Variants in CHCHD2 observed in about 807,000 individuals in gnomAD.
CHCHD2 encodes the protein coiled-coil-helix-coiled-coil-helix domain containing 2.
Under a neutral mutation model 17.5 loss-of-function variants are expected in CHCHD2, and 17 were observed. That is an observed-to-expected ratio of 0.97 (90% CI 0.67 to 1.46). CHCHD2 has a LOEUF of 1.46. Ranked by LOEUF, CHCHD2 falls within the 40% of genes most tolerant of loss-of-function variation. CHCHD2 has a pLI of 0.00. For synonymous variants in CHCHD2, 63 were observed against 74.3 expected, an observed-to-expected ratio of 0.85 and a Z score of 0.78; for missense variants, 175 against 199.9, an observed-to-expected ratio of 0.88 and a Z score of 0.75.
At chr7:56,106,247 G>A (rs763851886) in intron 1 of CHCHD2, 117 bp downstream of exon 1, 2 of 881,322 alleles carry the variant, frequency 2.3e-6, no homozygotes, top group Non-Finnish European at 3.5e-6. Flanking sequence ...CCTGGCAGAG[G>A]CGAGCCCACG....
chr7:56,102,624 T>G, intron 3 of CHCHD2: 1 of 425,394 alleles, frequency 2.4e-6, no homozygotes, highest in Non-Finnish European at 4.2e-6. Flanking sequence ...CGTCTTGGCC[T>G]CCCAAAGTGC....
chr7:56,106,383 G>T lies in CHCHD2; in HGVS notation c.31C>A (p.Arg11Ser). The change falls in exon 1 of 4, where the codon CGC (arginine) becomes AGC (serine). Residue 11 changes from arginine to serine, a missense_variant. Arg to Ser is a moderately radical substitution (Grantham distance 110). Coordinates refer to ENST00000395422, the MANE Select transcript of CHCHD2 (RefSeq NM_016139.4). ...TCTCACCTGGCCGGAGGGGCCATGC[G>T]GGAGGTGCGGCTTCGGCTTCCACGC... Reference protein sequence around the residue: MPRGSRSRTSRMAPPASRAPQ... With the variant: MPRGSRSRTSSMAPPASRAPQ... 3.1e-6 allele frequency: 5 copies of T among 1,613,518 alleles called. No individual in the cohort carries two copies. Among genetic ancestry groups the T allele is most frequent in the Non-Finnish European group, 4.2e-6 (5 of 1,179,700 alleles).
chr7:56,104,103 T>C lies in CHCHD2; in HGVS notation c.300+123A>G, dbSNP rs1562888363. ...GGCCAAATGTGGCTTTAAAACCCAT[T>C]GTCTATTAACAGCACAGTGGGTTCT... On this transcript the variant is annotated intron_variant, in intron 2 of 3. Transcript: ENST00000395422. 4 of 1,319,716 alleles carry C rather than the reference T, an allele frequency of 3.0e-6. No individual in the cohort carries two copies. In the African/African-American group the frequency reaches 5.8e-5, roughly 19 times the overall value. The allele number at this position is 1,319,716 out of a possible 1,614,324, so 81.8% of individuals were successfully genotyped here. A position where few individuals can be genotyped will look rare whatever the true frequency, so the allele number is the denominator to read the frequency against.
rs762464553 is a variant in CHCHD2 at position 56,101,828 on chromosome 7, T to A, written c.*23A>T. On this transcript the variant is annotated 3_prime_UTR_variant, in exon 4 of 4. Coordinates refer to ENST00000395422, the MANE Select transcript of CHCHD2 (RefSeq NM_016139.4). ...CTTAGTTATGAGAGCTGATTTTCCA[T>A]CTCTCCAGGTTGAACTTCTTCATTA... 3.1e-6 allele frequency: 5 copies of A among 1,604,326 alleles called. No individual in the cohort carries two copies. The highest frequency in any genetic ancestry group is 4.3e-6 in the Non-Finnish European group (5 of 1,173,280).
At chr7:56,106,135 T>C (rs982666838) in intron 1 of CHCHD2, among the ~76,000 whole-genome samples, 35 of 152,324 alleles carry the variant, frequency 2.3e-4, no homozygotes, top group African/African-American at 7.2e-4. Flanking sequence ...CACCTGGCCA[T>C]AACGTTATGC....
rs767317857 is a variant in CHCHD2, at chr7:56,101,831, C to A, written c.*20G>T. The A allele has an allele frequency of 6.2e-7, 1 of 1,609,444 alleles. No individual in the cohort carries two copies. Among genetic ancestry groups the A allele is most frequent in the Non-Finnish European group, 8.5e-7 (1 of 1,177,158 alleles). ...AGTTATGAGAGCTGATTTTCCATCT[C>A]TCCAGGTTGAACTTCTTCATTAGGC... On this transcript the variant is annotated 3_prime_UTR_variant, in exon 4 of 4. Coordinates refer to ENST00000395422, the MANE Select transcript of CHCHD2 (RefSeq NM_016139.4).
At chr7:56,102,109 G>GT (rs1785295501) in intron 3 of CHCHD2, among the ~76,000 whole-genome samples, 1 of 152,036 alleles carries the variant, frequency 6.6e-6, no homozygotes, top group East Asian at 1.9e-4. Context: ...TTATGGTTTT[G>GT]TTTGTAAGCT....
intron 2 of CHCHD2, 148 bp downstream of exon 2, chr7:56,104,078 G>C: frequency 9.6e-7 from 1 of 1,040,628 alleles, no homozygotes; most frequent in South Asian, 1.5e-5. Context: ...GTAACTCAAC[G>C]GCCAAATGTG....
chr7:56,104,638 G>A (rs1246109037), intron 1 of CHCHD2, among the ~76,000 whole-genome samples, 163 bp from the exon 2 acceptor site: 1 of 148,584 alleles, frequency 6.7e-6, no homozygotes, highest in African/African-American at 2.5e-5. Context: ...ATGGAGCTTC[G>A]CTCTTGTTGC....
At chr7:56,105,454 G>A (rs1007930595) in intron 1 of CHCHD2, among the ~76,000 whole-genome samples, 1 of 152,178 alleles carries the variant, frequency 6.6e-6, no homozygotes, top group East Asian at 1.9e-4. Context: ...CTGCATTCAT[G>A]GAGTTTACAT....
chr7:56,104,513 C>T, intron 1 of CHCHD2, 38 bp from the exon 2 acceptor site: 1 of 1,498,176 alleles, frequency 6.7e-7, no homozygotes. Context: ...GTTCCCAATT[C>T]CAACCAGTTT....
At chr7:56,103,068 C>T in intron 2 of CHCHD2, 57 bp from the exon 3 acceptor site, 1 of 1,583,816 alleles carries the variant, frequency 6.3e-7, no homozygotes, top group Non-Finnish European at 8.7e-7. Flanking sequence ...TATGCCTAGA[C>T]AATGAAGAGT....
rs1251511023 is a variant in CHCHD2, at chr7:56,101,620, A to G, written c.*231T>C. On this transcript the variant is annotated 3_prime_UTR_variant, in exon 4 of 4. Coordinates refer to ENST00000395422, the MANE Select transcript of CHCHD2 (RefSeq NM_016139.4). ...TAATTAACTCACAAAGAATAAAATC[A>G]TAACATAACAGCTAGTTTAAGGAGG... 2 of 483,212 alleles carry G rather than the reference A, an allele frequency of 4.1e-6. No homozygotes were observed. The highest frequency in any genetic ancestry group is 3.4e-5 in the East Asian group (1 of 29,534). 29.9% of individuals were successfully genotyped at this position (483,212 alleles called of 1,614,324 possible).
chr7:56,105,457 G>T lies in CHCHD2; in HGVS notation c.50+907C>A, dbSNP rs74573741. Among the ~76,000 whole-genome samples, 810 of 152,276 alleles carry T rather than the reference G, an allele frequency of 5.3e-3. 8 individuals carry two copies. The highest frequency in any genetic ancestry group is 0.019 in the African/African-American group (780 of 41,550). On this transcript the variant is annotated intron_variant, in intron 1 of 3. Transcript: ENST00000395422. ...AGACAAAAATCTCTGCATTCATGGA[G>T]TTTACATTTTATTGACGGATCAAAT...
Position 56,104,491 on chromosome 7 carries a change from A to C in CHCHD2, c.51-16T>G, listed in dbSNP as rs1309705709. The stretch of plus-strand genomic sequence containing the variant: ...AGGGGCCCGGCTGTGAAAGAAAAGA[A>C]AAAAACATCAAGTTCCCAATTCCAA... On this transcript the variant is annotated splice_polypyrimidine_tract_variant and intron_variant, in intron 1 of 3. Transcript: ENST00000395422. 1 of 1,533,686 alleles carries C rather than the reference A, an allele frequency of 6.5e-7. No individual in the cohort carries two copies. Among genetic ancestry groups the C allele is most frequent in the Non-Finnish European group, 8.8e-7 (1 of 1,135,030 alleles).
In CHCHD2 at chr7:56,102,923, T is replaced by G. The variant is rs1453617424; in HGVS notation, c.389A>C (p.Asp130Ala). 2 of 1,614,118 alleles carry G rather than the reference T, an allele frequency of 1.2e-6. No homozygotes were observed. Among genetic ancestry groups the G allele is most frequent in the South Asian group, 2.2e-5 (2 of 91,084 alleles). ...ATTGAAACCCTCACAGAGCTTGATG[T>G]CACCCTGGTTCTGGGCACACTCCAG... ...QFLECAQNQG[D>A]IKLCEGFNEV... The change falls in exon 3 of 4, where the codon GAC becomes GCC. Residue 130 changes from aspartate to alanine, a missense_variant. Coordinates refer to ENST00000395422, the MANE Select transcript of CHCHD2 (RefSeq NM_016139.4).
chr7:56,105,159 C>T (rs1251675733), intron 1 of CHCHD2, among the ~76,000 whole-genome samples: 1 of 152,172 alleles, frequency 6.6e-6, no homozygotes, highest in East Asian at 1.9e-4. Context: ...GATCCACCCG[C>T]CTCGACCTCC....
At chr7:56,101,995 A>G in intron 3 of CHCHD2, 134 bp from the exon 4 acceptor site, 1 of 846,398 alleles carries the variant, frequency 1.2e-6, no homozygotes, top group South Asian at 1.6e-5. Flanking sequence ...TTTTTGATAA[A>G]AAATAGAGAT....
Position 56,106,404 on chromosome 7 carries a change from C to T in CHCHD2, c.10G>A (p.Gly4Arg), listed in dbSNP as rs778328496. Reference sequence around the variant, plus strand: ...ATGCGGGAGGTGCGGCTTCGGCTTCCACGCGGCATCCTAGGTAAGCGACGG... The same window carrying T: ...ATGCGGGAGGTGCGGCTTCGGCTTCTACGCGGCATCCTAGGTAAGCGACGG... MPR[G>R]SRSRTSRMAP... Residue 4 changes from glycine (G) to arginine (R), a missense_variant, in exon 1 of 4, where the codon GGA becomes AGA. Gly to Arg is a moderately radical substitution (Grantham distance 125). Coordinates refer to ENST00000395422, the MANE Select transcript of CHCHD2 (RefSeq NM_016139.4). 5.0e-5 allele frequency: 81 copies of T among 1,613,534 alleles called. No individual in the cohort carries two copies. The highest frequency in any genetic ancestry group is 2.0e-4 in the South Asian group (18 of 91,046).
Sources: gnomAD v4.1 joint callset for allele counts (sites outside exome capture counted in the v4.1 genomes callset) on GRCh38, gnomAD v4.1.1 for gene constraint, MANE v1.5 for transcripts, NCBI Gene and HGNC (gene_info 2026-07-23, HGNC 2026-07-21) for gene names.